The following ARHGAP35 variants were observed in gnomAD, a reference collection of about 807,000 sequenced individuals.
The protein encoded by ARHGAP35 is rho GTPase-activating protein 35.
A neutral mutation model predicts 111.1 loss-of-function variants in ARHGAP35; 15 were observed. The ratio of observed to expected loss-of-function variants is 0.13; its 90% CI spans 0.09 to 0.21. The LOEUF (loss-of-function observed/expected upper bound fraction) is 0.21, where lower values mean the gene tolerates loss of function less well. Among genes scored for constraint, ARHGAP35 ranks in the 10% least tolerant of loss-of-function variants. The pLI, the probability that ARHGAP35 is intolerant of heterozygous loss-of-function variation, is 1.00. For missense variants in ARHGAP35, 1,262 were observed against 1,873.0 expected, an observed-to-expected ratio of 0.67 and a Z score of 6.02; for synonymous variants, 643 against 710.3, an observed-to-expected ratio of 0.91 and a Z score of 1.51.
chr19:46,989,423 C>T lies in ARHGAP35; in HGVS notation c.3905-121C>T. On this transcript the variant is annotated intron_variant, in intron 4 of 6. Transcript: ENST00000672722. This position sits in a 1 kb window ranked among gnomAD's most constrained non-coding sequence, Gnocchi z 5.3. ...ACAAGTCCCACCCCTCCAATCCTTG[C>T]CAGTCCTGAGGCCGTCTCTGGCTCC... is the stretch of plus-strand genomic sequence containing the variant. 1 of 1,330,238 alleles carries T rather than the reference C, an allele frequency of 7.5e-7. No individual in the cohort carries two copies. The highest frequency in any genetic ancestry group is 1.0e-6 in the Non-Finnish European group (1 of 973,248). 82.4% of individuals were successfully genotyped at this position (1,330,238 alleles called of 1,614,324 possible).
chr19:46,956,374 CAT>C (rs765708926), intron 3 of ARHGAP35, among the ~76,000 whole-genome samples: 1 of 149,932 alleles, frequency 6.7e-6, no homozygotes, highest in Non-Finnish European at 1.5e-5. Flanking sequence ...ATATGTGAAA[CAT>C]AATAAATTTT....
In ARHGAP35 at chr19:47,003,294, T is replaced by G. The variant is rs1343457291; in HGVS notation, c.*2606T>G. 1 of 152,326 alleles carries G rather than the reference T, an allele frequency of 6.6e-6. No individual in the cohort carries two copies. The highest frequency in any genetic ancestry group is 1.5e-5 in the Non-Finnish European group (1 of 68,146). The allele number at this position is 152,326 out of a possible 1,614,324, so 9.4% of individuals were successfully genotyped here. On this transcript the variant is annotated 3_prime_UTR_variant, in exon 7 of 7. Transcript: ENST00000672722. The stretch of plus-strand genomic sequence containing the variant: ...CTCCCGCTTTTGTTGGGGCTCTAAG[T>G]TCTGGAAGGTGTGTGCACAGAGGGT...
intron 1 of ARHGAP35, among the ~76,000 whole-genome samples, chr19:46,866,453 T>C (rs1454379873): frequency 6.6e-6 from 1 of 152,222 alleles, no homozygotes; most frequent in East Asian, 1.9e-4. Context: ...ACCTGGCTTC[T>C]GATCTAGGCC....
At chr19:46,972,276 C>T (rs2056554732) in intron 3 of ARHGAP35, among the ~76,000 whole-genome samples, 1 of 152,200 alleles carries the variant, frequency 6.6e-6, no homozygotes, top group South Asian at 2.1e-4. Context: ...TCCCAAAGTG[C>T]TGGGATTACA....
At position 46,920,376 on chromosome 19, in the gene ARHGAP35, C is replaced by A. The variant is rs569167406; in HGVS notation, c.1701C>A (p.Asp567Glu). The change falls in exon 2 of 7, where the codon GAC becomes GAA. Residue 567 changes from aspartate (D) to glutamate (E), a missense_variant. Asp to Glu is a conservative substitution (Grantham distance 45). This residue lies in a region of ARHGAP35 where 328 missense variants were observed against 440.8 expected (regional missense o/e 0.74). Transcript: ENST00000672722. This position sits in a 1 kb window ranked among gnomAD's most constrained non-coding sequence, Gnocchi z 7.0. ...GCCCCAGCTGCCCAGCTTGTGTGGACGCTAAGATTGAGCACTTGATTAGTT... is the reference window on the plus strand; with the variant it reads ...GCCCCAGCTGCCCAGCTTGTGTGGAAGCTAAGATTGAGCACTTGATTAGTT... The part of the protein sequence containing the change: ...ETCPSCPACV[D>E]AKIEHLISSR... The A allele has an allele frequency of 6.2e-7, 1 of 1,613,948 alleles. No homozygotes were observed. Among genetic ancestry groups the A allele is most frequent in the Non-Finnish European group, 8.5e-7 (1 of 1,179,890 alleles).
At chr19:46,911,566 G>A (rs182649510) in intron 1 of ARHGAP35, among the ~76,000 whole-genome samples, 42 of 152,268 alleles carry the variant, frequency 2.8e-4, no homozygotes, top group African/African-American at 1.0e-3. Flanking sequence ...TCTATCAAAT[G>A]GGGACCTTTC....
chr19:46,911,678 A>T (rs1040044667), intron 1 of ARHGAP35, among the ~76,000 whole-genome samples: 1 of 152,214 alleles, frequency 6.6e-6, no homozygotes, highest in Non-Finnish European at 1.5e-5. Context: ...GAATAGGGGT[A>T]TTGCTTCAGA....
chr19:46,926,121 A>G lies in ARHGAP35; in HGVS notation c.3681+3765A>G, dbSNP rs930515108. Among the ~76,000 whole-genome samples the G allele has an allele frequency of 5.3e-5, 8 of 152,180 alleles. No individual in the cohort carries two copies. The highest frequency in any genetic ancestry group is 1.9e-4 in the African/African-American group (8 of 41,442). ...ACAAAAAAATAGCTATGCTCTGGGT[A>G]CCAATGTGATACAGAAAAAAATCAC... On this transcript the variant is annotated intron_variant, in intron 2 of 6. Coordinates refer to ENST00000672722, the MANE Select transcript of ARHGAP35 (RefSeq NM_004491.5). The surrounding 1 kb of genome is among the most constrained non-coding windows in gnomAD (Gnocchi z 4.1).
chr19:46,989,663 G>A lies in ARHGAP35; in HGVS notation c.4024G>A (p.Val1342Met), dbSNP rs779370477. 2 of 1,613,932 alleles carry A rather than the reference G, an allele frequency of 1.2e-6. No individual in the cohort carries two copies. Among genetic ancestry groups the A allele is most frequent in the Admixed American group, 1.7e-5 (1 of 60,022 alleles). The stretch of plus-strand genomic sequence containing the variant: ...CCCGTATAACATGCAGATCGACTTG[G>A]TGGAAGCACACAGTGAGTACCGGCA... Reference protein sequence around the residue: ...LVPYNMQIDLVEAHKINDREQ... With the variant: ...LVPYNMQIDLMEAHKINDREQ... Residue 1342 changes from valine to methionine, a missense_variant, in exon 5 of 7, where the codon GTG (valine) becomes ATG (methionine). Val to Met is a conservative substitution (Grantham distance 21). Around this residue, in one of 8 missense-constraint regions of ARHGAP35, gnomAD observed 50 missense variants for 60.5 expected, o/e 0.83. Coordinates refer to ENST00000672722, the MANE Select transcript of ARHGAP35 (RefSeq NM_004491.5). This position sits in a 1 kb window ranked among gnomAD's most constrained non-coding sequence, Gnocchi z 5.3.
intron 1 of ARHGAP35, among the ~76,000 whole-genome samples, chr19:46,885,816 G>T (rs940429899): frequency 5.3e-5 from 8 of 151,848 alleles, no homozygotes; most frequent in African/African-American, 1.9e-4. Flanking sequence ...TACCTTTTTA[G>T]AGATGAGTTC....
chr19:46,931,806 G>A (rs1478981522), intron 2 of ARHGAP35, among the ~76,000 whole-genome samples: 1 of 152,176 alleles, frequency 6.6e-6, no homozygotes, highest in Non-Finnish European at 1.5e-5. Flanking sequence ...AAAGATCACC[G>A]TACACTAAGT....
At chr19:46,935,241 A>T (rs1158003565) in intron 2 of ARHGAP35, among the ~76,000 whole-genome samples, 3 of 152,166 alleles carry the variant, frequency 2.0e-5, no homozygotes, top group African/African-American at 2.4e-5. Context: ...TATGGAGTAC[A>T]TGGTTCTTCC....
At chr19:46,914,860 A>G (rs1599813862) in intron 1 of ARHGAP35, among the ~76,000 whole-genome samples, 1 of 152,344 alleles carries the variant, frequency 6.6e-6, no homozygotes, top group Non-Finnish European at 1.5e-5. Context: ...CACTTTACAG[A>G]GAACAGTTGA....
chr19:46,872,107 T>A (rs574723250), intron 1 of ARHGAP35, among the ~76,000 whole-genome samples: 2 of 152,240 alleles, frequency 1.3e-5, no homozygotes, highest in South Asian at 2.1e-4. Flanking sequence ...AATCTAAATG[T>A]TTTAACCTTA....
chr19:47,001,265 G>A lies in ARHGAP35; in HGVS notation c.*577G>A, dbSNP rs1212372346. On this transcript the variant is annotated 3_prime_UTR_variant, in exon 7 of 7. Transcript: ENST00000672722. The surrounding 1 kb of genome is among the most constrained non-coding windows in gnomAD (Gnocchi z 5.4). ...CGCTGGCTCTGCAGATCAGAACAAC[G>A]GAGGATAGCTTTGTGCCTGGACCCA... 15 of 1,289,814 alleles carry A rather than the reference G, an allele frequency of 1.2e-5. No homozygotes were observed. Among genetic ancestry groups the A allele is most frequent in the South Asian group, 8.6e-5 (7 of 80,950 alleles). The allele number at this position is 1,289,814 out of a possible 1,614,324, so 79.9% of individuals were successfully genotyped here.
intron 3 of ARHGAP35, among the ~76,000 whole-genome samples, chr19:46,983,442 A>G (rs1025460779): frequency 1.3e-5 from 2 of 152,060 alleles, no homozygotes; most frequent in Non-Finnish European, 2.9e-5. Flanking sequence ...TATTGTTATT[A>G]GCTAGCTTCC....
At chr19:46,873,303 G>T (rs1216322276) in intron 1 of ARHGAP35, among the ~76,000 whole-genome samples, 1 of 152,042 alleles carries the variant, frequency 6.6e-6, no homozygotes, top group East Asian at 1.9e-4. Context: ...TTTGAACAAG[G>T]TTCCCTTCTA....
chr19:46,925,682 GTAGTGAT>G (rs1205545304), intron 2 of ARHGAP35, among the ~76,000 whole-genome samples: 1 of 152,208 alleles, frequency 6.6e-6, no homozygotes, highest in Non-Finnish European at 1.5e-5. Context: ...AGAGTAGGTT[GTAGTGAT>G]TAGGAGCTCA....
At chr19:46,997,277 A>T (rs1389866737) in intron 5 of ARHGAP35, among the ~76,000 whole-genome samples, 1 of 152,294 alleles carries the variant, frequency 6.6e-6, no homozygotes, top group East Asian at 1.9e-4. Flanking sequence ...GTCATTTCTG[A>T]TAGACAGATG....
Sources: allele counts gnomAD v4.1 joint callset (sites outside exome capture counted in the v4.1 genomes callset), GRCh38; gene constraint gnomAD v4.1.1; regional missense constraint gnomAD v4.1.1; non-coding constraint Gnocchi (gnomAD v3.1); transcripts MANE v1.5; gene names NCBI Gene and HGNC (gene_info 2026-07-23, HGNC 2026-07-21).